The following CLTA variants were observed in gnomAD, a reference collection of about 807,000 sequenced individuals.
CLTA encodes the protein clathrin light chain A.
In CLTA, 9 loss-of-function variants were observed where a neutral mutation model predicts 26.9. The ratio of observed to expected loss-of-function variants is 0.33; its 90% confidence interval spans 0.20 to 0.58. The LOEUF is 0.58. Among genes scored for constraint, CLTA ranks in the 20% least tolerant of loss-of-function variants. The pLI is 0.85. For synonymous variants in CLTA, 120 were observed against 115.5 expected (o/e 1.04, Z -0.25); for missense variants, 278 against 294.2 (o/e 0.94, Z 0.40).
At chr9:36,191,396 CAG>C in intron 1 of CLTA, 123 bp downstream of exon 1, 1 of 1,172,916 alleles carries the variant, frequency 8.5e-7, no homozygotes, top group East Asian at 3.0e-5. Context: ...GCAGTGCAAA[CAG>C]GAAACGAGAC....
At position 36,211,784 on chromosome 9, in the gene CLTA, C is replaced by T. The variant is rs557492983; in HGVS notation, c.*10C>T. ...CCCGCTGGTGCACTGAAGAGCCACC[C>T]TGTGGAAACACTACATCTGCAATAT... On this transcript the variant is annotated 3_prime_UTR_variant, in exon 5 of 5. Coordinates refer to ENST00000345519, the MANE Select transcript of CLTA (RefSeq NM_001833.4). 29 of 1,595,674 alleles carry T rather than the reference C, an allele frequency of 1.8e-5. No homozygotes were observed. In the Middle Eastern group the frequency reaches 5.0e-4, roughly 27 times the overall value.
At chr9:36,198,702 G>GAAA (rs546254007) in intron 2 of CLTA, among the ~76,000 whole-genome samples, 10 of 66,288 alleles carry the variant, frequency 1.5e-4, no homozygotes, top group Non-Finnish European at 2.8e-4. Context: ...CCCCACCCCA[G>GAAA]AAAAAAAAAA....
chr9:36,191,384 G>C, intron 1 of CLTA, 111 bp downstream of exon 1: 5 of 1,275,980 alleles, frequency 3.9e-6, no homozygotes, highest in Non-Finnish European at 5.2e-6. Flanking sequence ...GGAGGTTAGG[G>C]AGCAGTGCAA....
At position 36,210,486 on chromosome 9, in the gene CLTA, A is replaced by G; in HGVS notation, c.486-1117A>G. The G allele has an allele frequency of 2.9e-6, 4 of 1,398,380 alleles. No individual in the cohort carries two copies. The Admixed American group carries it at 8.6e-5, about 30-fold the overall frequency. The allele number at this position is 1,398,380 out of a possible 1,614,324, so 86.6% of individuals were successfully genotyped here. On this transcript the variant is annotated intron_variant, in intron 4 of 4. Transcript: ENST00000345519. ...TTGCTGGGCAGCTGGGTGGCCAGCA[A>G]AGCCAGCTGCACGTCCCCAAGCACA...
intron 1 of CLTA, among the ~76,000 whole-genome samples, chr9:36,193,080 A>G (rs948146439): frequency 6.6e-5 from 10 of 152,212 alleles, no homozygotes; most frequent in African/African-American, 2.4e-4. Flanking sequence ...GGTAAAAGGG[A>G]GAGAATAGAG....
intron 1 of CLTA, among the ~76,000 whole-genome samples, chr9:36,191,849 G>C (rs1587193108): frequency 6.6e-6 from 1 of 152,342 alleles, no homozygotes; most frequent in East Asian, 1.9e-4. Flanking sequence ...GCCAAGCGCG[G>C]TAGGAGTTTG....
At chr9:36,208,497 G>A (rs1408431712) in intron 4 of CLTA, among the ~76,000 whole-genome samples, 2 of 152,166 alleles carry the variant, frequency 1.3e-5, no homozygotes, top group Non-Finnish European at 2.9e-5. Context: ...AGAAGCCAGG[G>A]CCAGGATCCT....
At position 36,211,664 on chromosome 9, in the gene CLTA, C is replaced by T. The variant is rs773167178; in HGVS notation, c.547C>T (p.Arg183Trp). ...DESSPGTEWERVARLCDFNPK... is the reference protein window; with the variant it reads ...DESSPGTEWEWVARLCDFNPK... ...GTCGTCCCCAGGCACTGAGTGGGAA[C>T]GGGTGGCCCGGCTGTGTGACTTTAA... Residue 183 changes from arginine to tryptophan, a missense_variant, in exon 5 of 5, where the codon CGG (arginine) becomes TGG (tryptophan). Transcript: ENST00000345519. 13 of 1,614,016 alleles carry T rather than the reference C, an allele frequency of 8.1e-6. No individual in the cohort carries two copies. Among genetic ancestry groups the T allele is most frequent in the East Asian group, 4.5e-5 (2 of 44,884 alleles).
chr9:36,201,300 A>G (rs1467054534), intron 3 of CLTA, among the ~76,000 whole-genome samples: 1 of 152,204 alleles, frequency 6.6e-6, no homozygotes, highest in Admixed American at 6.5e-5. Flanking sequence ...AACCGGTGCC[A>G]GTGGTTTTCA....
chr9:36,204,054 C>T lies in CLTA; in HGVS notation c.374-14C>T. The T allele has an allele frequency of 2.5e-6, 4 of 1,613,834 alleles. No homozygotes were observed. The highest frequency in any genetic ancestry group is 1.7e-5 in the Admixed American group (1 of 59,976). ...GCCTCAATTGTATTGTCTTTCTCTT[C>T]TCTCCCTTCAAAGATGCCAATTCTC... On this transcript the variant is annotated splice_polypyrimidine_tract_variant and intron_variant, in intron 3 of 4. Coordinates refer to ENST00000345519, the MANE Select transcript of CLTA (RefSeq NM_001833.4).
At chr9:36,206,942 A>G (rs1339441649) in intron 4 of CLTA, among the ~76,000 whole-genome samples, 1 of 152,240 alleles carries the variant, frequency 6.6e-6, no homozygotes, top group Non-Finnish European at 1.5e-5. Flanking sequence ...TCAAGCAAGT[A>G]TGATTCTCTC....
intron 1 of CLTA, among the ~76,000 whole-genome samples, chr9:36,192,929 C>T (rs1826818804): frequency 6.6e-6 from 1 of 152,294 alleles, no homozygotes; most frequent in East Asian, 1.9e-4. Context: ...GACAGTGTTA[C>T]CCTTACTGTT....
intron 1 of CLTA, 34 bp downstream of exon 1, chr9:36,191,307 T>C: frequency 6.8e-7 from 1 of 1,478,886 alleles, no homozygotes; most frequent in Non-Finnish European, 8.9e-7. Context: ...GCGAGAGGAC[T>C]TGTCTGGAAA....
chr9:36,197,432 G>T, intron 1 of CLTA, 119 bp from the exon 2 acceptor site: 2 of 646,924 alleles, frequency 3.1e-6, no homozygotes, highest in South Asian at 2.2e-5. Context: ...ACCTACCACA[G>T]GGATAGCATT....
intron 1 of CLTA, among the ~76,000 whole-genome samples, chr9:36,196,888 T>C (rs1490645411): frequency 6.6e-6 from 1 of 152,098 alleles, no homozygotes; most frequent in Non-Finnish European, 1.5e-5. Flanking sequence ...AAGAAAAATA[T>C]GAGAGGCCAG....
At chr9:36,197,475 T>C in intron 1 of CLTA, 76 bp from the exon 2 acceptor site, 1 of 953,140 alleles carries the variant, frequency 1.0e-6, no homozygotes. Context: ...CATATGATGC[T>C]GTATTCTACT....
chr9:36,207,465 C>G (rs1043446590), intron 4 of CLTA, among the ~76,000 whole-genome samples: 1 of 152,150 alleles, frequency 6.6e-6, no homozygotes, highest in Non-Finnish European at 1.5e-5. Context: ...TTTCTGTGCC[C>G]ACTTTGAGGC....
chr9:36,210,177 TCTC>T (rs1377670737), intron 4 of CLTA, among the ~76,000 whole-genome samples: 1 of 151,946 alleles, frequency 6.6e-6, no homozygotes, highest in African/African-American at 2.4e-5. Flanking sequence ...GTTCTCATTG[TCTC>T]CTCCTTAAAA....
In CLTA at chr9:36,211,668, T is replaced by C; in HGVS notation, c.551T>C (p.Val184Ala). 6.2e-7 allele frequency: 1 copy of C among 1,614,030 alleles called. No individual in the cohort carries two copies. The highest frequency in any genetic ancestry group is 8.5e-7 in the Non-Finnish European group (1 of 1,179,958). Residue 184 changes from valine (V) to alanine (A), a missense_variant, in exon 5 of 5, where the codon GTG (valine) becomes GCG (alanine). Physicochemically the swap from Val to Ala is moderately conservative, Grantham distance 64. Transcript: ENST00000345519. ...ESSPGTEWER[V>A]ARLCDFNPKS... is the part of the protein sequence containing the mutation. Reference sequence around the variant, plus strand: ...TCCCCAGGCACTGAGTGGGAACGGGTGGCCCGGCTGTGTGACTTTAACCCC... The same window carrying C: ...TCCCCAGGCACTGAGTGGGAACGGGCGGCCCGGCTGTGTGACTTTAACCCC...
Sources: gnomAD v4.1 joint callset for allele counts (sites outside exome capture counted in the v4.1 genomes callset) on GRCh38, gnomAD v4.1.1 for gene constraint, MANE v1.5 for transcripts, NCBI Gene and HGNC (gene_info 2026-07-23, HGNC 2026-07-21) for gene names.